Variants in AGBL4 observed in about 807,000 individuals in gnomAD.
AGBL4 encodes the protein cytosolic carboxypeptidase 6.
Under a neutral mutation model 66.4 loss-of-function variants are expected in AGBL4, and 58 were observed. That is an observed-to-expected ratio of 0.87 (90% CI 0.71 to 1.09). AGBL4 has a LOEUF of 1.09. AGBL4 is among the 50% of genes least tolerant of loss of function. The pLI, the probability that AGBL4 is intolerant of heterozygous loss-of-function variation, is 0.00. For synonymous variants in AGBL4, 234 were observed against 222.9 expected, an observed-to-expected ratio of 1.05 and a Z score of -0.44; for missense variants, 579 against 631.0, an observed-to-expected ratio of 0.92 and a Z score of 0.88.
intron 5 of AGBL4, among the ~76,000 whole-genome samples, chr1:48,923,382 G>A (rs1654257798): frequency 6.6e-6 from 1 of 152,152 alleles, no homozygotes; most frequent in South Asian, 2.1e-4. Flanking sequence ...GGTCTCAAAG[G>A]GTCTGGCAGA....
chr1:49,060,550 A>G (rs562363181), intron 4 of AGBL4, among the ~76,000 whole-genome samples: 50 of 152,282 alleles, frequency 3.3e-4, no homozygotes, highest in South Asian at 1.0e-3. Context: ...GCGTGTAGAC[A>G]TAGACCTAAG....
At chr1:49,110,832 T>C (rs568296197) in intron 4 of AGBL4, among the ~76,000 whole-genome samples, 1 of 152,338 alleles carries the variant, frequency 6.6e-6, no homozygotes, top group South Asian at 2.1e-4. Flanking sequence ...CAATTCAGTC[T>C]ACTCTTGATT....
At chr1:49,329,303 T>C (rs879425920) in intron 3 of AGBL4, among the ~76,000 whole-genome samples, 1 of 151,690 alleles carries the variant, frequency 6.6e-6, no homozygotes, top group Non-Finnish European at 1.5e-5. Flanking sequence ...GGAGATTCCG[T>C]CTCAAAACAA....
chr1:49,756,885 G>A (rs1651925272), intron 2 of AGBL4, among the ~76,000 whole-genome samples: 1 of 151,968 alleles, frequency 6.6e-6, no homozygotes, highest in African/African-American at 2.4e-5. Flanking sequence ...CCCAGTCTTG[G>A]GCAGTTCTTT....
At chr1:49,318,372 G>C (rs1405543746) in intron 3 of AGBL4, among the ~76,000 whole-genome samples, 1 of 150,556 alleles carries the variant, frequency 6.6e-6, no homozygotes, top group African/African-American at 2.5e-5. Context: ...CAACATACGG[G>C]AATATTTAAA....
At chr1:49,962,046 A>G (rs1399451992) in intron 1 of AGBL4, among the ~76,000 whole-genome samples, 1 of 152,162 alleles carries the variant, frequency 6.6e-6, no homozygotes, top group Non-Finnish European at 1.5e-5. Context: ...TTTGAAGACA[A>G]AAAAGAGAAG....
intron 6 of AGBL4, among the ~76,000 whole-genome samples, chr1:48,786,355 A>G (rs1645407489): frequency 6.6e-6 from 1 of 152,232 alleles, no homozygotes; most frequent in African/African-American, 2.4e-5. Flanking sequence ...GAACTTGTTT[A>G]TAGTTACATG....
intron 6 of AGBL4, chr1:48,776,724 C>G: frequency 6.5e-7 from 1 of 1,529,378 alleles, no homozygotes; most frequent in Non-Finnish European, 8.8e-7. Context: ...CGGCGTACAC[C>G]TTCTGGTTGT....
chr1:48,613,133 CA>C (rs577843427), intron 9 of AGBL4, among the ~76,000 whole-genome samples: 3 of 141,160 alleles, frequency 2.1e-5, no homozygotes, highest in Non-Finnish European at 3.1e-5. Flanking sequence ...TACTCCGCCT[CA>C]AAAAAAAAAG....
At chr1:49,376,875 C>T (rs948519266) in intron 3 of AGBL4, among the ~76,000 whole-genome samples, 10 of 152,002 alleles carry the variant, frequency 6.6e-5, no homozygotes, top group African/African-American at 1.9e-4. Flanking sequence ...GGACCTCGCC[C>T]ATATTGTTTA....
Position 48,789,016 on chromosome 1 carries a change from G to A in AGBL4, c.634+78175C>T, listed in dbSNP as rs1645474780. On this transcript the variant is annotated intron_variant, in intron 6 of 13. Transcript: ENST00000371839. Reference sequence around the variant, plus strand: ...TTGATCCCCAGTAATGCTAGGTGCTGGATATGCAATTCTGATAATAAACTT... The same window carrying A: ...TTGATCCCCAGTAATGCTAGGTGCTAGATATGCAATTCTGATAATAAACTT... 1.3e-5 allele frequency among the ~76,000 whole-genome samples: 2 copies of A among 152,112 alleles called. 1 individual carries two copies. Among genetic ancestry groups the A allele is most frequent in the South Asian group, 4.1e-4 (2 of 4,830 alleles).
chr1:48,536,834 C>T (rs1199265845), intron 12 of AGBL4, among the ~76,000 whole-genome samples: 1 of 152,208 alleles, frequency 6.6e-6, no homozygotes, highest in East Asian at 1.9e-4. Context: ...GACTATACCA[C>T]TGTGTGCTAA....
At chr1:49,848,316 TG>T (rs1270143595) in intron 2 of AGBL4, among the ~76,000 whole-genome samples, 5 of 152,006 alleles carry the variant, frequency 3.3e-5, no homozygotes, top group Admixed American at 1.3e-4. Flanking sequence ...ATCCCACTAC[TG>T]GGTATCTGCT....
intron 4 of AGBL4, among the ~76,000 whole-genome samples, chr1:49,080,614 GA>G (rs35404453): frequency 1.3e-5 from 2 of 151,540 alleles, no homozygotes; most frequent in African/African-American, 4.8e-5. Flanking sequence ...TAGAGATAAT[GA>G]AAAAAGTTAG....
At chr1:48,576,369 A>G (rs1015178318) in intron 11 of AGBL4, among the ~76,000 whole-genome samples, 1 of 152,144 alleles carries the variant, frequency 6.6e-6, no homozygotes, top group African/African-American at 2.4e-5. Flanking sequence ...TTTTTCTCCC[A>G]TGAAATCGGT....
At chr1:49,757,920 C>T (rs1421750962) in intron 2 of AGBL4, among the ~76,000 whole-genome samples, 1 of 152,152 alleles carries the variant, frequency 6.6e-6, no homozygotes, top group Non-Finnish European at 1.5e-5. Flanking sequence ...ATTGATAAGA[C>T]TATGGGGAAA....
intron 6 of AGBL4, among the ~76,000 whole-genome samples, chr1:48,674,851 C>T (rs1646339119): frequency 6.6e-6 from 1 of 152,188 alleles, no homozygotes; most frequent in Non-Finnish European, 1.5e-5. Flanking sequence ...GCTTCACCCC[C>T]AGGCAGTGAG....
At position 48,590,762 on chromosome 1, in the gene AGBL4, T is replaced by C. The variant is rs1644902430; in HGVS notation, c.1104+71A>G. 6 of 1,494,188 alleles carry C rather than the reference T, an allele frequency of 4.0e-6. No homozygotes were observed. In the African/African-American group the frequency reaches 8.4e-5, roughly 21 times the overall value. 92.6% of individuals were successfully genotyped at this position (1,494,188 alleles called of 1,614,324 possible). A position where few individuals can be genotyped will look rare whatever the true frequency, so the allele number is the denominator to read the frequency against. On this transcript the variant is annotated intron_variant, in intron 10 of 13. Coordinates refer to ENST00000371839, the MANE Select transcript of AGBL4 (RefSeq NM_032785.4). ...CCGTGGAGCTTAAAGCAAACTGAAC[T>C]GAGTGAGAAGGAAGACGGGGAGGCA...
chr1:48,776,815 C>T, intron 6 of AGBL4: 1 of 1,516,978 alleles, frequency 6.6e-7, no homozygotes, highest in Non-Finnish European at 8.8e-7. Context: ...CTCCAGGAAC[C>T]GCACAAAGGC....
Sources: gnomAD v4.1 joint callset for allele counts (sites outside exome capture counted in the v4.1 genomes callset) on GRCh38, gnomAD v4.1.1 for gene constraint, MANE v1.5 for transcripts, NCBI Gene and HGNC (gene_info 2026-07-23, HGNC 2026-07-21) for gene names.